Variants in PIDD1 observed in about 807,000 individuals in gnomAD.
PIDD1 encodes p53-induced death domain-containing protein 1.
A neutral mutation model predicts 80.0 loss-of-function variants in PIDD1; 72 were observed. That is an observed-to-expected ratio of 0.90 (90% confidence interval 0.74 to 1.09). The LOEUF is 1.09. Among genes scored for constraint, PIDD1 ranks in the 50% least tolerant of loss-of-function variants. PIDD1 has a pLI of 0.00. For synonymous variants in PIDD1, 655 were observed against 543.5 expected (o/e 1.21, Z -2.85); for missense variants, 1,329 against 1,228.3 (o/e 1.08, Z -1.23).
chr11:807,729 A>C (rs1865848668), upstream of PIDD1, among the ~76,000 whole-genome samples: 1 of 152,188 alleles, frequency 6.6e-6, no homozygotes, highest in South Asian at 2.1e-4. Flanking sequence ...GTGAGCCAAG[A>C]TCACGCGACT....
Position 801,465 on chromosome 11 carries a change from G to T in PIDD1, c.1462C>A (p.Pro488Thr), listed in dbSNP as rs1277273904. 4 of 1,544,444 alleles carry T rather than the reference G, an allele frequency of 2.6e-6. No homozygotes were observed. Among genetic ancestry groups the T allele is most frequent in the Non-Finnish European group, 2.6e-6 (3 of 1,142,714 alleles). The change falls in exon 8 of 16, where the codon CCT becomes ACT. Residue 488 changes from proline to threonine, a missense_variant. Physicochemically the swap from Pro to Thr is conservative, Grantham distance 38. Coordinates refer to ENST00000347755, the MANE Select transcript of PIDD1 (RefSeq NM_145886.4). ...CATACCTGCATGGAGACTCGACGAGGCTCCTCAGTGGCCCCAGGGGGGAAG... is the reference window on the plus strand; with the variant it reads ...CATACCTGCATGGAGACTCGACGAGTCTCCTCAGTGGCCCCAGGGGGGAAG... ...VIFPPGATEE[P>T]RRVSMQVVRM...
At position 800,401 on chromosome 11, in the gene PIDD1, G is replaced by A. The variant is rs1865169759; in HGVS notation, c.2092C>T (p.Leu698=). Residue 698 remains leucine (L), a synonymous_variant, in exon 13 of 16, where the codon CTG becomes TTG. Coordinates refer to ENST00000347755, the MANE Select transcript of PIDD1 (RefSeq NM_145886.4). ...GRICFVFYSH[L]KNVKEVYVTT... ...ACGTATACCTCCTTCACATTCTTCA[G>A]GTGCGAGTAGAAGACAAAGCAGATT... is the stretch of plus-strand genomic sequence containing the variant. 1.3e-6 allele frequency: 2 copies of A among 1,586,574 alleles called. No homozygotes were observed. Among genetic ancestry groups the A allele is most frequent in the South Asian group, 2.2e-5 (2 of 90,392 alleles).
At position 804,210 on chromosome 11, in the gene PIDD1, T is replaced by TGAAGAG. The variant is rs1865609101; in HGVS notation, c.178_179insCTCTTC (p.Pro58_Leu59dup). ...ACGCAAGAATTCCACCTGCAGCAGC[T>TGAAGAG]GCAGAGGCTGCTGGACACACAGGTG... On this transcript the variant is annotated inframe_insertion, in exon 2 of 16. Coordinates refer to ENST00000347755, the MANE Select transcript of PIDD1 (RefSeq NM_145886.4). The TGAAGAG allele has an allele frequency of 6.2e-7, 1 of 1,612,946 alleles. No homozygotes were observed. Among genetic ancestry groups the TGAAGAG allele is most frequent in the Non-Finnish European group, 8.5e-7 (1 of 1,179,872 alleles).
Position 803,528 on chromosome 11 carries a change from C to A in PIDD1, c.355G>T (p.Ala119Ser), listed in dbSNP as rs147662808. The A allele has an allele frequency of 4.3e-4, 693 of 1,613,194 alleles. 1 individual carries two copies. Among genetic ancestry groups the A allele is most frequent in the South Asian group, 7.6e-4 (69 of 91,072 alleles). ...CLRGALTNLP[A>S]GLSGLAHLAH... The stretch of plus-strand genomic sequence containing the variant: ...AGATGGGCCAGGCCACTCAGACCAG[C>A]GGGCAGGTTGGTCAGGGCACCCCGG... Residue 119 changes from alanine to serine, a missense_variant, in exon 3 of 16, where the codon GCT becomes TCT. Transcript: ENST00000347755.
At chr11:804,946 C>T (rs1009423672) in intron 1 of PIDD1, 1 of 153,080 alleles carries the variant, frequency 6.5e-6, no homozygotes, top group African/African-American at 2.4e-5. Flanking sequence ...GCTTCGGGGT[C>T]CTGGGGCCGG....
intron 3 of PIDD1, 25 bp from the exon 4 acceptor site, chr11:802,916 T>C: frequency 6.5e-7 from 1 of 1,541,198 alleles, no homozygotes; most frequent in Non-Finnish European, 8.8e-7. Flanking sequence ...TGGCTTAGGC[T>C]TGGCACCAGC....
At chr11:803,902 C>T (rs938841578) in intron 2 of PIDD1, 192 bp downstream of exon 2, 25 of 698,142 alleles carry the variant, frequency 3.6e-5, no homozygotes, top group Non-Finnish European at 5.2e-5. Context: ...CAGCCAGCCC[C>T]ACACTGGGGG....
At chr11:799,620 C>T (rs1865058563) in intron 15 of PIDD1, 55 bp from the exon 16 acceptor site, 7 of 1,526,982 alleles carry the variant, frequency 4.6e-6, no homozygotes, top group Non-Finnish European at 5.3e-6. Flanking sequence ...CAGGACCCCC[C>T]ACCACACTCT....
At position 799,341 on chromosome 11, in the gene PIDD1, G is replaced by C. The variant is rs781121285; in HGVS notation, c.2699C>G (p.Ser900Trp). 2 of 1,608,830 alleles carry C rather than the reference G, an allele frequency of 1.2e-6. No individual in the cohort carries two copies. The highest frequency in any genetic ancestry group is 1.7e-6 in the Non-Finnish European group (2 of 1,178,706). ...APKDPALPGS[S>W]APQPPEPAQA is the part of the protein sequence containing the mutation. ...GGCAGGCTCTGGGGGCTGTGGAGCC[G>C]AGGAGCCAGGCAGAGCGGGGTCCTT... is the stretch of plus-strand genomic sequence containing the variant. Residue 900 changes from serine to tryptophan, a missense_variant, in exon 16 of 16, where the codon TCG (serine) becomes TGG (tryptophan). By Grantham distance (177) the Ser-to-Trp change is radical. Transcript: ENST00000347755.
upstream of PIDD1, among the ~76,000 whole-genome samples, chr11:808,717 G>A (rs748766368): frequency 4.6e-5 from 7 of 152,140 alleles, no homozygotes; most frequent in Non-Finnish European, 8.8e-5. Flanking sequence ...AATAAGAAAA[G>A]TCCCATTGTT....
At chr11:805,067 G>A (rs1174241608) in intron 1 of PIDD1, 112 bp downstream of exon 1, 5 of 325,708 alleles carry the variant, frequency 1.5e-5, no homozygotes, top group Non-Finnish European at 2.2e-5. Flanking sequence ...GCGGGCCCCA[G>A]CCCCGAGGCA....
chr11:800,414 G>A lies in PIDD1; in HGVS notation c.2079C>T (p.Val693=), dbSNP rs115173419. The change falls in exon 13 of 16, where the codon GTC becomes GTT. Residue 693 remains valine, a synonymous_variant. Coordinates refer to ENST00000347755, the MANE Select transcript of PIDD1 (RefSeq NM_145886.4). ...TCACATTCTTCAGGTGCGAGTAGAA[G>A]ACAAAGCAGATTCTGCCCTCCACAC... ...PDCVEGRICF[V]FYSHLKNVKE... 10,786 of 1,564,600 alleles carry A rather than the reference G, an allele frequency of 6.9e-3. 315 individuals are homozygous for A. In the African/African-American group the frequency reaches 0.08, roughly 12 times the overall value.
chr11:805,277 C>T, upstream of PIDD1: 12 of 955,406 alleles, frequency 1.3e-5, no homozygotes, highest in Non-Finnish European at 1.5e-5. Flanking sequence ...CTGCAGACCC[C>T]GCCCCTTGGG....
rs556776411 is a variant in PIDD1 at position 800,747 on chromosome 11, G to C, written c.1917+15C>G. 1.6e-5 allele frequency: 25 copies of C among 1,545,336 alleles called. No individual in the cohort carries two copies. In the South Asian group the frequency reaches 2.8e-4, roughly 18 times the overall value. On this transcript the variant is annotated intron_variant, in intron 11 of 15. Transcript: ENST00000347755. Reference sequence around the variant, plus strand: ...TCTGGTCACCACCCTGCTGCCCTCCGGCCCGTGCCCCCACCTTGTTTCGGG... The same window carrying C: ...TCTGGTCACCACCCTGCTGCCCTCCCGCCCGTGCCCCCACCTTGTTTCGGG...
At position 802,526 on chromosome 11, in the gene PIDD1, C is replaced by T; in HGVS notation, c.974+17G>A. 2 of 1,612,734 alleles carry T rather than the reference C, an allele frequency of 1.2e-6. No individual in the cohort carries two copies. Among genetic ancestry groups the T allele is most frequent in the South Asian group, 1.1e-5 (1 of 90,932 alleles). On this transcript the variant is annotated intron_variant, in intron 5 of 15. Transcript: ENST00000347755. The stretch of plus-strand genomic sequence containing the variant: ...GGCAGACAGACTCCCCTCCAGCCCC[C>T]TCAACCCACCCCATACCTGTCCAAA...
In PIDD1 at chr11:801,376, C is replaced by T. The variant is rs1865298913; in HGVS notation, c.1483-11G>A. 6.2e-7 allele frequency: 1 copy of T among 1,605,550 alleles called. No individual in the cohort carries two copies. Among genetic ancestry groups the T allele is most frequent in the Admixed American group, 1.7e-5 (1 of 59,204 alleles). On this transcript the variant is annotated splice_polypyrimidine_tract_variant and intron_variant, in intron 8 of 15. Transcript: ENST00000347755. The stretch of plus-strand genomic sequence containing the variant: ...AGCCATGCGCACCACCTGGGGCAGA[C>T]AGGCCCCCTGAGCACCTGCCTGTGG...
In PIDD1 at chr11:803,332, T is replaced by C. The variant is rs1480626744; in HGVS notation, c.551A>G (p.Gln184Arg). Reference protein sequence around the residue: ...TFLTVTHNRLQTLPPALGALS... With the variant: ...TFLTVTHNRLRTLPPALGALS... Reference sequence around the variant, plus strand: ...GGCCCCCAGTGCTGGGGGCAGCGTCTGCAGGCGGTTGTGTGTCACTGTGAG... The same window carrying C: ...GGCCCCCAGTGCTGGGGGCAGCGTCCGCAGGCGGTTGTGTGTCACTGTGAG... Residue 184 changes from glutamine to arginine, a missense_variant, in exon 3 of 16, where the codon CAG becomes CGG. Coordinates refer to ENST00000347755, the MANE Select transcript of PIDD1 (RefSeq NM_145886.4). 5.6e-6 allele frequency: 9 copies of C among 1,613,812 alleles called. No homozygotes were observed. Among genetic ancestry groups the C allele is most frequent in the Non-Finnish European group, 6.8e-6 (8 of 1,179,990 alleles).
chr11:799,685 T>A (rs1865069922), intron 15 of PIDD1, 120 bp from the exon 16 acceptor site: 1 of 1,393,688 alleles, frequency 7.2e-7, no homozygotes, highest in African/African-American at 1.5e-5. Flanking sequence ...GCCAGACCTT[T>A]CCTTTCCAGC....
rs757039430 is a variant in PIDD1, at chr11:801,240, C to T, written c.1608G>A (p.Leu536=). The T allele has an allele frequency of 5.1e-6, 8 of 1,562,808 alleles. No homozygotes were observed. The highest frequency in any genetic ancestry group is 2.3e-5 in the East Asian group (1 of 44,334). Residue 536 remains leucine (L), a synonymous_variant, in exon 9 of 16, where the codon CTG becomes CTA. Coordinates refer to ENST00000347755, the MANE Select transcript of PIDD1 (RefSeq NM_145886.4). ...CACCTGTGATGCCAGAGGGCAGAGG[C>T]AGCTGCACGGTGACCGGTTGGAGGA... ...PSFLQPVTVQ[L]PLPSGITGLS... is the part of the protein sequence containing the mutation.
Sources: allele counts gnomAD v4.1 joint callset (sites outside exome capture counted in the v4.1 genomes callset), GRCh38; gene constraint gnomAD v4.1.1; transcripts MANE v1.5; gene names NCBI Gene and HGNC (gene_info 2026-07-23, HGNC 2026-07-21).